The following RGS19 variants were observed in gnomAD, a reference collection of about 807,000 sequenced individuals.
The protein encoded by RGS19 is regulator of G protein signaling 19.
In RGS19, 9 loss-of-function variants were observed where a neutral mutation model predicts 22.0. The observed-to-expected ratio is 0.41, with a 90% confidence interval of 0.25 to 0.71. The LOEUF is 0.71. RGS19 is among the 30% of genes least tolerant of loss of function. The pLI, the probability that RGS19 is intolerant of heterozygous loss-of-function variation, is 0.32. For synonymous variants in RGS19, 130 were observed against 127.3 expected, an observed-to-expected ratio of 1.02 and a Z score of -0.14; for missense variants, 256 against 307.1, an observed-to-expected ratio of 0.83 and a Z score of 1.24.
intron 3 of RGS19, among the ~76,000 whole-genome samples, chr20:64,076,317 C>T (rs960741514): frequency 3.9e-5 from 6 of 152,374 alleles, no homozygotes; most frequent in East Asian, 3.9e-4. Flanking sequence ...AAGACAGGTA[C>T]GAGAGCCATA....
In RGS19 at chr20:64,079,108, G is replaced by A. The variant is rs1308411324; in HGVS notation, c.-69+186C>T. On this transcript the variant is annotated intron_variant, in intron 1 of 5. Coordinates refer to ENST00000395042, the MANE Select transcript of RGS19 (RefSeq NM_005873.3). This position sits in a 1 kb window ranked among gnomAD's most constrained non-coding sequence, Gnocchi z 5.1. ...CACCCTCCACATCTGGCTGGTGGGC[G>A]AGCCCTGGCCTGGCCCCTCCAGGGA... is the stretch of plus-strand genomic sequence containing the variant. 5.3e-5 allele frequency among the ~76,000 whole-genome samples: 8 copies of A among 152,182 alleles called. No homozygotes were observed. Among genetic ancestry groups the A allele is most frequent in the Middle Eastern group, 3.4e-3 (1 of 294 alleles).
chr20:64,078,869 G>A (rs1303176382), intron 1 of RGS19, among the ~76,000 whole-genome samples: 1 of 152,178 alleles, frequency 6.6e-6, no homozygotes, highest in African/African-American at 2.4e-5. Flanking sequence ...CTGGATAGGC[G>A]GCACGTCTGC....
Position 64,073,950 on chromosome 20 carries a change from G to C in RGS19, c.557C>G (p.Thr186Arg). The C allele has an allele frequency of 6.2e-7, 1 of 1,613,854 alleles. No individual in the cohort carries two copies. Among genetic ancestry groups the C allele is most frequent in the Non-Finnish European group, 8.5e-7 (1 of 1,179,894 alleles). Residue 186 changes from threonine (T) to arginine (R), a missense_variant, in exon 6 of 6, where the codon ACG becomes AGG. Coordinates refer to ENST00000395042, the MANE Select transcript of RGS19 (RefSeq NM_005873.3). ...TFDDAQLQIY[T>R]LMHRDSYPRF... ...GGGGTAGGAGTCCCGGTGCATGAGC[G>C]TGTAGATCTGCAGCTGCGCGTCGTC...
chr20:64,076,482 C>T, intron 3 of RGS19, 43 bp downstream of exon 3: 1 of 1,608,822 alleles, frequency 6.2e-7, no homozygotes. Context: ...TGGCCCCATG[C>T]CCTCGACCCC....
At chr20:64,078,051 C>T (rs1184590943) in intron 1 of RGS19, among the ~76,000 whole-genome samples, 1 of 152,232 alleles carries the variant, frequency 6.6e-6, no homozygotes, top group Non-Finnish European at 1.5e-5. Flanking sequence ...ATCCCCCCGC[C>T]ACGCCTCCCC....
chr20:64,077,384 A>G (rs1451762661), intron 1 of RGS19, among the ~76,000 whole-genome samples: 2 of 151,870 alleles, frequency 1.3e-5, no homozygotes, highest in East Asian at 1.9e-4. Context: ...GGGAGTGGGC[A>G]GAGTGGCTTC....
intron 1 of RGS19, among the ~76,000 whole-genome samples, chr20:64,078,951 G>A (rs990573182): frequency 6.6e-6 from 1 of 152,160 alleles, no homozygotes; most frequent in Non-Finnish European, 1.5e-5. Context: ...ACGTCCCAGA[G>A]CCTGCCCAGT....
rs886463194 is a variant in RGS19, at chr20:64,075,829, C to T, written c.152+696G>A. Among the ~76,000 whole-genome samples the T allele has an allele frequency of 4.6e-5, 7 of 152,146 alleles. No individual in the cohort carries two copies. Among genetic ancestry groups the T allele is most frequent in the African/African-American group, 7.2e-5 (3 of 41,528 alleles). On this transcript the variant is annotated intron_variant, in intron 3 of 5. Coordinates refer to ENST00000395042, the MANE Select transcript of RGS19 (RefSeq NM_005873.3). This position sits in a 1 kb window ranked among gnomAD's most constrained non-coding sequence, Gnocchi z 4.6. ...TCCCTTATTGGGGTCTCTGTTCAAA[C>T]GTCCCTCCACCCCACACACTGTATG...
chr20:64,076,975 T>C, intron 1 of RGS19, 21 bp from the exon 2 acceptor site: 6 of 1,261,320 alleles, frequency 4.8e-6, no homozygotes, highest in Non-Finnish European at 6.4e-6. Context: ...GGGCCAAGGT[T>C]CTGACTGAGA....
At position 64,076,887 on chromosome 20, in the gene RGS19, G is replaced by A. The variant is rs762250806; in HGVS notation, c.-1C>T. ...TCTCAGCCTCATGCGGGGTGGGCAT[G>A]GGTGGGCGGAGGAGGTTGCCCAGGC... On this transcript the variant is annotated 5_prime_UTR_variant, in exon 2 of 6. Transcript: ENST00000395042. 2.1e-5 allele frequency: 33 copies of A among 1,536,924 alleles called. 1 individual carries two copies. The South Asian group carries it at 3.4e-4, about 16-fold the overall frequency.
chr20:64,075,140 C>T lies in RGS19; in HGVS notation c.153-599G>A, dbSNP rs1416158306. Among the ~76,000 whole-genome samples, 1 of 151,352 alleles carries T rather than the reference C, an allele frequency of 6.6e-6. No homozygotes were observed. The highest frequency in any genetic ancestry group is 2.4e-5 in the African/African-American group (1 of 40,916). Reference sequence around the variant, plus strand: ...AACAGGGCCACCCATGGGAATGTGCCTGGGAACAGGGCCACCCATGGGAAT... The same window carrying T: ...AACAGGGCCACCCATGGGAATGTGCTTGGGAACAGGGCCACCCATGGGAAT... On this transcript the variant is annotated intron_variant, in intron 3 of 5. Transcript: ENST00000395042. This position sits in a 1 kb window ranked among gnomAD's most constrained non-coding sequence, Gnocchi z 4.6.
chr20:64,074,427 G>A (rs566494451), intron 4 of RGS19, 40 bp downstream of exon 4: 2 of 1,575,552 alleles, frequency 1.3e-6, no homozygotes, highest in Non-Finnish European at 1.7e-6. Flanking sequence ...TCCCGGTCTG[G>A]GGCCCCCCCA....
At position 64,075,811 on chromosome 20, in the gene RGS19, T is replaced by C. The variant is rs1325459894; in HGVS notation, c.152+714A>G. On this transcript the variant is annotated intron_variant, in intron 3 of 5. Transcript: ENST00000395042. The surrounding 1 kb of genome is among the most constrained non-coding windows in gnomAD (Gnocchi z 4.6). ...CGCCCCAGGGCCAGCAGTTCCCTTA[T>C]TGGGGTCTCTGTTCAAACGTCCCTC... 3.3e-5 allele frequency among the ~76,000 whole-genome samples: 5 copies of C among 151,760 alleles called. No homozygotes were observed. Among genetic ancestry groups the C allele is most frequent in the East Asian group, 3.9e-4 (2 of 5,182 alleles).
chr20:64,076,496 G>C, intron 3 of RGS19, 29 bp downstream of exon 3: 1 of 1,611,528 alleles, frequency 6.2e-7, no homozygotes, highest in Non-Finnish European at 8.5e-7. Context: ...CGACCCCCTC[G>C]CCAGCTGGGC....
chr20:64,077,488 G>C (rs1160009784), intron 1 of RGS19, among the ~76,000 whole-genome samples: 1 of 152,206 alleles, frequency 6.6e-6, no homozygotes, highest in Non-Finnish European at 1.5e-5. Context: ...GTGGGACTCA[G>C]GCTGGACTTG....
chr20:64,073,871 C>G lies in RGS19; in HGVS notation c.636G>C (p.Gln212His), dbSNP rs1278061968. 6.2e-7 allele frequency: 1 copy of G among 1,612,080 alleles called. No individual in the cohort carries two copies. Among genetic ancestry groups the G allele is most frequent in the South Asian group, 1.1e-5 (1 of 91,008 alleles). Residue 212 changes from glutamine to histidine, a missense_variant, in exon 6 of 6, where the codon CAG becomes CAC. By Grantham distance (24) the Gln-to-His change is conservative. Coordinates refer to ENST00000395042, the MANE Select transcript of RGS19 (RefSeq NM_005873.3). ...GGGCGGCCTAGGCCTCGGAGGAGGA[C>G]TGTGATGGCCCCTGCAGCAGCAGGG... ...YRALLLQGPSQSSSEA is the reference protein window; with the variant it reads ...YRALLLQGPSHSSSEA
chr20:64,074,009 G>T lies in RGS19; in HGVS notation c.498C>A (p.Asn166Lys). ...GTGCGGACGGCTCCTGCATCTTCTT[G>T]TTGATGCCCTCCCGCACACGGGAGT... ...SLDSRVREGI[N>K]KKMQEPSAHT... Residue 166 changes from asparagine to lysine, a missense_variant, in exon 6 of 6, where the codon AAC (asparagine) becomes AAA (lysine). Asn to Lys is a moderately conservative substitution (Grantham distance 94). Coordinates refer to ENST00000395042, the MANE Select transcript of RGS19 (RefSeq NM_005873.3). 1.2e-6 allele frequency: 2 copies of T among 1,613,664 alleles called. No homozygotes were observed. Among genetic ancestry groups the T allele is most frequent in the Non-Finnish European group, 1.7e-6 (2 of 1,179,826 alleles).
At chr20:64,076,978 G>C in intron 1 of RGS19, 24 bp from the exon 2 acceptor site, 4 of 1,225,894 alleles carry the variant, frequency 3.3e-6, no homozygotes, top group Non-Finnish European at 4.4e-6. Flanking sequence ...CCAAGGTTCT[G>C]ACTGAGAACC....
intron 1 of RGS19, 41 bp from the exon 2 acceptor site, chr20:64,076,995 C>T: frequency 9.2e-7 from 1 of 1,090,296 alleles, no homozygotes; most frequent in Non-Finnish European, 1.3e-6. Context: ...AACCTGAAAC[C>T]CCAGCCCCTG....
Sources: allele counts gnomAD v4.1 joint callset (sites outside exome capture counted in the v4.1 genomes callset), GRCh38; gene constraint gnomAD v4.1.1; non-coding constraint Gnocchi (gnomAD v3.1); transcripts MANE v1.5; gene names NCBI Gene and HGNC (gene_info 2026-07-23, HGNC 2026-07-21).